Variants in SLC44A5 observed in about 807,000 individuals in gnomAD.
SLC44A5 encodes solute carrier family 44 member 5.
A neutral mutation model predicts 101.8 loss-of-function variants in SLC44A5; 57 were observed. That is an observed-to-expected ratio of 0.56 (90% CI 0.45 to 0.70). SLC44A5 has a LOEUF of 0.70. Ranked by LOEUF, SLC44A5 falls within the 30% of genes least tolerant of loss-of-function variation. The pLI is 0.00. For missense variants in SLC44A5, 737 were observed against 853.1 expected (o/e 0.86, Z 1.70); for synonymous variants, 281 against 290.9 (o/e 0.97, Z 0.35).
intron 6 of SLC44A5, among the ~76,000 whole-genome samples, chr1:75,268,270 C>A (rs1651169361): frequency 6.6e-6 from 1 of 152,120 alleles, no homozygotes; most frequent in Non-Finnish European, 1.5e-5. Flanking sequence ...AGGCTGGTGT[C>A]TTCCTGGTCT....
chr1:75,315,269 A>T lies in SLC44A5; in HGVS notation c.102-14584T>A, dbSNP rs574294750. ...TTACCATCATTATTTATACATCTAT[A>T]TACAAAAGCTTAAAAATAAAAAGCT... On this transcript the variant is annotated intron_variant, in intron 4 of 23. Coordinates refer to ENST00000370859, the MANE Select transcript of SLC44A5 (RefSeq NM_001130058.2). 2.9e-4 allele frequency among the ~76,000 whole-genome samples: 44 copies of T among 152,314 alleles called. No individual in the cohort carries two copies. In the South Asian group the frequency reaches 8.9e-3, roughly 31 times the overall value.
intron 2 of SLC44A5, among the ~76,000 whole-genome samples, chr1:75,444,465 A>G (rs368569931): frequency 3.1e-4 from 34 of 110,116 alleles, no homozygotes; most frequent in African/African-American, 9.4e-4. Context: ...GAAAAAGAAA[A>G]AAAGAAAGAG....
At chr1:75,251,128 AACTCAAATGG>A (rs1258364446) in intron 7 of SLC44A5, 72 bp downstream of exon 7, 1 of 1,094,278 alleles carries the variant, frequency 9.1e-7, no homozygotes, top group African/African-American at 1.5e-5. Context: ...ACACACAGAG[AACTCAAATGG>A]AATTTCTCAA....
intron 4 of SLC44A5, among the ~76,000 whole-genome samples, chr1:75,312,384 C>T (rs1570645540): frequency 6.6e-6 from 1 of 152,030 alleles, no homozygotes; most frequent in Non-Finnish European, 1.5e-5. Context: ...AATGTGTCCC[C>T]CAAGGTTCAT....
chr1:75,363,149 A>G (rs1659616648), intron 3 of SLC44A5, among the ~76,000 whole-genome samples: 1 of 151,892 alleles, frequency 6.6e-6, no homozygotes, highest in African/African-American at 2.4e-5. Flanking sequence ...ATTTGCATGG[A>G]TATCTTTTTC....
the SLC44A5 span, among the ~76,000 whole-genome samples, chr1:75,635,727 C>T: frequency 6.6e-6 from 1 of 151,200 alleles, no homozygotes; most frequent in African/African-American, 2.4e-5. Flanking sequence ...TTAATGGGTG[C>T]ATCACACCAG....
chr1:75,476,422 C>T (rs1375617461), intron 2 of SLC44A5, among the ~76,000 whole-genome samples: 34 of 152,128 alleles, frequency 2.2e-4, no homozygotes, highest in African/African-American at 5.3e-4. Flanking sequence ...TGCAGCGCAC[C>T]GTGCACGAGC....
At chr1:75,656,622 GA>G in the SLC44A5 span, among the ~76,000 whole-genome samples, 5 of 152,024 alleles carry the variant, frequency 3.3e-5, no homozygotes, top group Non-Finnish European at 7.4e-5. Flanking sequence ...ATAACTATAA[GA>G]TTTTTTTGTA....
intron 1 of SLC44A5, among the ~76,000 whole-genome samples, chr1:75,567,775 A>G (rs1309840830): frequency 1.3e-5 from 2 of 152,218 alleles, no homozygotes; most frequent in Admixed American, 6.5e-5. Flanking sequence ...AGGAAGGGGA[A>G]CAAAGGCCAG....
At chr1:75,656,103 A>C in the SLC44A5 span, among the ~76,000 whole-genome samples, 1 of 152,152 alleles carries the variant, frequency 6.6e-6, no homozygotes, top group Non-Finnish European at 1.5e-5. Context: ...AAGTGGAATG[A>C]CATCTTCAAA....
At chr1:75,326,095 CGT>C (rs58294702) in intron 4 of SLC44A5, among the ~76,000 whole-genome samples, 19,942 of 140,104 alleles carry the variant, frequency 0.14, 2,039 homozygotes, top group African/African-American at 0.3. Context: ...TCTCTCTCTC[CGT>C]GTGTGTGTGT....
the SLC44A5 span, among the ~76,000 whole-genome samples, chr1:75,655,728 G>C: frequency 2.5e-3 from 384 of 152,244 alleles, 3 homozygotes; most frequent in African/African-American, 8.7e-3. Context: ...TCACAGTAAA[G>C]CACAGCATTG....
At chr1:75,690,320 A>T in the SLC44A5 span, among the ~76,000 whole-genome samples, 1 of 151,642 alleles carries the variant, frequency 6.6e-6, no homozygotes, top group Non-Finnish European at 1.5e-5. Flanking sequence ...AGATCTCATG[A>T]GAACTCCCCC....
intron 1 of SLC44A5, among the ~76,000 whole-genome samples, chr1:75,547,156 A>G (rs1385710397): frequency 6.6e-6 from 1 of 152,182 alleles, no homozygotes; most frequent in Non-Finnish European, 1.5e-5. Context: ...TGAAGATGAA[A>G]CCTGTGCAGG....
chr1:75,256,415 T>G (rs939262190), intron 6 of SLC44A5, among the ~76,000 whole-genome samples: 4 of 152,148 alleles, frequency 2.6e-5, no homozygotes, highest in Non-Finnish European at 5.9e-5. Context: ...GTCACTATGT[T>G]GAAGCAAACT....
intron 1 of SLC44A5, among the ~76,000 whole-genome samples, chr1:75,546,873 C>T (rs1671679600): frequency 6.6e-6 from 1 of 152,114 alleles, no homozygotes; most frequent in Non-Finnish European, 1.5e-5. Flanking sequence ...CCAAAATAAA[C>T]TCATACTAAC....
At chr1:75,560,761 C>T (rs146523948) in intron 1 of SLC44A5, among the ~76,000 whole-genome samples, 175 of 152,246 alleles carry the variant, frequency 1.1e-3, no homozygotes, top group Non-Finnish European at 1.7e-3. Flanking sequence ...CTGAAACAGG[C>T]TTGTCCCTGA....
the SLC44A5 span, among the ~76,000 whole-genome samples, chr1:75,698,312 G>T: frequency 2.0e-5 from 3 of 152,168 alleles, no homozygotes; most frequent in African/African-American, 7.2e-5. Context: ...ATCTGAGAAT[G>T]GACAGACTGC....
At chr1:75,708,709 A>G in the SLC44A5 span, among the ~76,000 whole-genome samples, 1 of 152,146 alleles carries the variant, frequency 6.6e-6, no homozygotes, top group Non-Finnish European at 1.5e-5. Context: ...AAAGGCAAAT[A>G]TAAAATTATA....
Sources: gnomAD v4.1 joint callset for allele counts (sites outside exome capture counted in the v4.1 genomes callset) on GRCh38, gnomAD v4.1.1 for gene constraint, MANE v1.5 for transcripts, NCBI Gene and HGNC (gene_info 2026-07-23, HGNC 2026-07-21) for gene names.